DCDC2: variants seen among roughly 807,000 people sequenced by gnomAD.
The protein encoded by DCDC2 is doublecortin domain containing 2.
DCDC2 carries 40 observed loss-of-function variants against 50.2 expected under a neutral mutation model. The observed-to-expected ratio is 0.80, with a 90% confidence interval of 0.62 to 1.04. The LOEUF (loss-of-function observed/expected upper bound fraction) is 1.04, where lower values mean the gene tolerates loss of function less well. Ranked by LOEUF, DCDC2 falls within the 50% of genes least tolerant of loss-of-function variation. DCDC2 has a pLI of 0.00. For synonymous variants in DCDC2, 234 were observed against 210.6 expected, an observed-to-expected ratio of 1.11 and a Z score of -0.96; for missense variants, 570 against 581.9, an observed-to-expected ratio of 0.98 and a Z score of 0.21.
At chr6:24,219,010 G>C (rs1331371406) in intron 7 of DCDC2, among the ~76,000 whole-genome samples, 1 of 152,140 alleles carries the variant, frequency 6.6e-6, no homozygotes, top group African/African-American at 2.4e-5. Context: ...TTTAATCTGG[G>C]AGGAGGAACA....
Position 24,172,595 on chromosome 6 carries a change from A to T in DCDC2, c.*2135T>A, listed in dbSNP as rs368586909. 6.6e-6 allele frequency: 1 copy of T among 152,148 alleles called. No homozygotes were observed. The allele number at this position is 152,148 out of a possible 1,614,324, so 9.4% of individuals were successfully genotyped here. A position where few individuals can be genotyped will look rare whatever the true frequency, so the allele number is the denominator to read the frequency against. ...TCCATTGAAGAAACAAAAGAGAATC[A>T]CCTTGATAATTAGTTATAATTTCTT... On this transcript the variant is annotated 3_prime_UTR_variant, in exon 10 of 10. Transcript: ENST00000378454.
the DCDC2 span, among the ~76,000 whole-genome samples, chr6:24,376,719 G>C: frequency 2.6e-5 from 3 of 113,684 alleles, no homozygotes; most frequent in Non-Finnish European, 5.0e-5. Flanking sequence ...ACATGAAAGT[G>C]AGGAAGACAG....
intron 2 of DCDC2, among the ~76,000 whole-genome samples, chr6:24,332,429 A>G (rs376592272): frequency 2.0e-5 from 3 of 152,136 alleles, no homozygotes; most frequent in Non-Finnish European, 2.9e-5. Flanking sequence ...AAGAGGAGGA[A>G]CCAGGGCCCA....
chr6:24,274,325 T>G (rs1220716823), intron 7 of DCDC2, among the ~76,000 whole-genome samples: 1 of 151,920 alleles, frequency 6.6e-6, no homozygotes, highest in Non-Finnish European at 1.5e-5. Flanking sequence ...ATCGTTACTG[T>G]TTTGGTCATA....
intron 7 of DCDC2, among the ~76,000 whole-genome samples, chr6:24,247,845 C>T (rs1041964901): frequency 2.0e-5 from 3 of 152,194 alleles, no homozygotes; most frequent in Non-Finnish European, 4.4e-5. Context: ...GAGGCTGAAG[C>T]GGGTGGATCA....
rs755647628 is a variant in DCDC2, at chr6:24,174,700, C to T, written c.*30G>A. 39 of 1,463,048 alleles carry T rather than the reference C, an allele frequency of 2.7e-5. No homozygotes were observed. Among genetic ancestry groups the T allele is most frequent in the African/African-American group, 2.1e-4 (15 of 71,482 alleles). The allele number at this position is 1,463,048 out of a possible 1,614,324, so 90.6% of individuals were successfully genotyped here. On this transcript the variant is annotated 3_prime_UTR_variant, in exon 10 of 10. Coordinates refer to ENST00000378454, the MANE Select transcript of DCDC2 (RefSeq NM_016356.5). ...GTATGATAACCCTTCATTTTTCTTG[C>T]GATCCATATACTCTCTTTTTAAAAA...
chr6:24,323,354 G>A (rs188626605), intron 2 of DCDC2, among the ~76,000 whole-genome samples: 5 of 152,336 alleles, frequency 3.3e-5, no homozygotes, highest in Admixed American at 6.5e-5. Flanking sequence ...CAAACAAGAC[G>A]TGGGATTTTA....
chr6:24,209,855 C>A (rs147687661), intron 7 of DCDC2, among the ~76,000 whole-genome samples: 2 of 152,236 alleles, frequency 1.3e-5, no homozygotes. Flanking sequence ...TCTAGAGTCA[C>A]GGTCTCATCC....
the DCDC2 span, among the ~76,000 whole-genome samples, chr6:24,365,034 G>A: frequency 1.2e-4 from 18 of 152,140 alleles, no homozygotes; most frequent in Non-Finnish European, 1.8e-4. Flanking sequence ...CCTACACATG[G>A]GTAACGGTGA....
At chr6:24,205,254 A>G (rs1161231035) in intron 7 of DCDC2, 152 bp from the exon 8 acceptor site, 28 of 1,571,418 alleles carry the variant, frequency 1.8e-5, no homozygotes, top group Non-Finnish European at 2.3e-5. Flanking sequence ...TCCGACCACC[A>G]CACCACCCCC....
At chr6:24,382,009 A>AAGGAAGGAAGGAAGGAAGGAAGGC in the DCDC2 span, among the ~76,000 whole-genome samples, 167 of 116,482 alleles carry the variant, frequency 1.4e-3, 2 homozygotes, top group East Asian at 9.8e-3. Context: ...GGAAGGAAGG[A>AAGGAAGGAAGGAAGGAAGGAAGGC]AGGCAGGCAA....
intron 2 of DCDC2, among the ~76,000 whole-genome samples, chr6:24,317,260 T>C (rs887817653): frequency 6.6e-6 from 1 of 152,062 alleles, no homozygotes; most frequent in Admixed American, 6.6e-5. Flanking sequence ...TAAAAATTAA[T>C]TTTAGCAGGG....
At chr6:24,285,346 C>A (rs1282719113) in intron 6 of DCDC2, among the ~76,000 whole-genome samples, 1 of 152,194 alleles carries the variant, frequency 6.6e-6, no homozygotes, top group Admixed American at 6.5e-5. Flanking sequence ...AACGTCACTT[C>A]CTCCATGAGG....
At chr6:24,176,283 G>A (rs1760908236) in intron 9 of DCDC2, among the ~76,000 whole-genome samples, 1 of 151,328 alleles carries the variant, frequency 6.6e-6, no homozygotes, top group Non-Finnish European at 1.5e-5. Context: ...GTAGCAGAGT[G>A]AGACCTTGTC....
intron 2 of DCDC2, among the ~76,000 whole-genome samples, chr6:24,331,724 A>G (rs534551639): frequency 3.4e-4 from 52 of 152,250 alleles, no homozygotes; most frequent in East Asian, 1.2e-3. Flanking sequence ...ACTAAATTGT[A>G]CATGTAATAA....
intron 7 of DCDC2, among the ~76,000 whole-genome samples, chr6:24,249,769 C>A (rs888995528): frequency 3.9e-5 from 6 of 152,208 alleles, no homozygotes; most frequent in Admixed American, 1.3e-4. Context: ...GATAGTAGAT[C>A]CTCTACAAAG....
intron 7 of DCDC2, among the ~76,000 whole-genome samples, chr6:24,223,457 T>G (rs756729011): frequency 1.3e-5 from 2 of 152,220 alleles, no homozygotes; most frequent in South Asian, 2.1e-4. Context: ...GAGCACTCTC[T>G]CTCACTTTCC....
At chr6:24,379,538 C>G in the DCDC2 span, among the ~76,000 whole-genome samples, 1 of 152,090 alleles carries the variant, frequency 6.6e-6, no homozygotes, top group African/African-American at 2.4e-5. Context: ...AAGTCAGGAA[C>G]AACAGATGCT....
chr6:24,247,939 G>T (rs1727720642), intron 7 of DCDC2, among the ~76,000 whole-genome samples: 1 of 152,166 alleles, frequency 6.6e-6, no homozygotes, highest in Non-Finnish European at 1.5e-5. Context: ...AGCTGGGTAT[G>T]GTGGCGGATG....
Sources: allele counts gnomAD v4.1 joint callset (sites outside exome capture counted in the v4.1 genomes callset), GRCh38; gene constraint gnomAD v4.1.1; transcripts MANE v1.5; gene names NCBI Gene and HGNC (gene_info 2026-07-23, HGNC 2026-07-21).